MORC2: variants seen among roughly 807,000 people sequenced by gnomAD.
MORC2 encodes the protein ATPase MORC2.
A neutral mutation model predicts 136.0 loss-of-function variants in MORC2; 30 were observed. The observed-to-expected ratio is 0.22, with a 90% CI of 0.17 to 0.30. MORC2 has a LOEUF of 0.30. Ranked by LOEUF, MORC2 falls within the 10% of genes least tolerant of loss-of-function variation. MORC2 has a pLI of 1.00. For missense variants in MORC2, 922 were observed against 1,333.1 expected (o/e 0.69, Z 4.80); for synonymous variants, 439 against 487.0 (o/e 0.90, Z 1.30).
Position 30,941,780 on chromosome 22 carries a change from C to T in MORC2, c.698+111G>A. 8.4e-7 allele frequency: 1 copy of T among 1,187,616 alleles called. No individual in the cohort carries two copies. The highest frequency in any genetic ancestry group is 2.3e-5 in the East Asian group (1 of 42,566). The allele number at this position is 1,187,616 out of a possible 1,614,324, so 73.6% of individuals were successfully genotyped here. A position where few individuals can be genotyped will look rare whatever the true frequency, so the allele number is the denominator to read the frequency against. On this transcript the variant is annotated intron_variant, in intron 8 of 25. Transcript: ENST00000397641. This position sits in a 1 kb window ranked among gnomAD's most constrained non-coding sequence, Gnocchi z 4.6. ...AACTGAGCTGGCCCTACATACTACC[C>T]TACCACAGAACACTGGGCAATGAAT...
At chr22:30,938,934 A>T (rs1462229198) in intron 12 of MORC2, among the ~76,000 whole-genome samples, 1 of 152,230 alleles carries the variant, frequency 6.6e-6, no homozygotes. Flanking sequence ...AGACACCATC[A>T]TGTGATTACT....
chr22:30,939,775 C>T, intron 11 of MORC2, 69 bp from the exon 12 acceptor site: 1 of 1,452,830 alleles, frequency 6.9e-7, no homozygotes, highest in Non-Finnish European at 9.5e-7. Flanking sequence ...TGAAACATTA[C>T]ATCTAAGACA....
chr22:30,934,720 A>G lies in MORC2; in HGVS notation c.2193+61T>C. 1 of 1,580,526 alleles carries G rather than the reference A, an allele frequency of 6.3e-7. No homozygotes were observed. The highest frequency in any genetic ancestry group is 8.6e-7 in the Non-Finnish European group (1 of 1,159,266). ...TCCCCCAGTACAGCTGTGACACTGC[A>G]CAATTCCATTCCTACACTACTGACA... On this transcript the variant is annotated intron_variant, in intron 19 of 25. Coordinates refer to ENST00000397641, the MANE Select transcript of MORC2 (RefSeq NM_001303256.3). This position sits in a 1 kb window ranked among gnomAD's most constrained non-coding sequence, Gnocchi z 4.4.
chr22:30,928,917 C>A (rs1204039111), intron 24 of MORC2, among the ~76,000 whole-genome samples: 1 of 152,154 alleles, frequency 6.6e-6, no homozygotes, highest in Non-Finnish European at 1.5e-5. Context: ...ATGACTTACT[C>A]GTAAATCACT....
At chr22:30,947,601 C>T (rs931433047) in intron 5 of MORC2, among the ~76,000 whole-genome samples, 1 of 152,194 alleles carries the variant, frequency 6.6e-6, no homozygotes, top group Non-Finnish European at 1.5e-5. Flanking sequence ...ACTCCCAGGA[C>T]ACTATTCAAA....
chr22:30,949,161 C>T (rs2040856250), intron 5 of MORC2, among the ~76,000 whole-genome samples: 1 of 152,212 alleles, frequency 6.6e-6, no homozygotes, highest in Non-Finnish European at 1.5e-5. Flanking sequence ...TGGGGCTTCA[C>T]TCAAAACCAG....
In MORC2 at chr22:30,968,403, C is replaced by T. The variant is rs893715384; in HGVS notation, c.-514G>A. The T allele has an allele frequency of 6.5e-6, 1 of 153,196 alleles. No homozygotes were observed. Among genetic ancestry groups the T allele is most frequent in the Non-Finnish European group, 1.5e-5 (1 of 68,706 alleles). The allele number at this position is 153,196 out of a possible 1,614,324, so 9.5% of individuals were successfully genotyped here. Reference sequence around the variant, plus strand: ...CAGGATTCTTAAACAGGCCCAAGACCGGAGACCAAGATGTCGACGGAGTGT... The same window carrying T: ...CAGGATTCTTAAACAGGCCCAAGACTGGAGACCAAGATGTCGACGGAGTGT... On this transcript the variant is annotated 5_prime_UTR_variant, in exon 1 of 26. Coordinates refer to ENST00000397641, the MANE Select transcript of MORC2 (RefSeq NM_001303256.3).
At chr22:30,954,030 C>T (rs1265959332) in intron 3 of MORC2, among the ~76,000 whole-genome samples, 2 of 152,094 alleles carry the variant, frequency 1.3e-5, no homozygotes, top group Non-Finnish European at 2.9e-5. Context: ...ACTGGCCAAG[C>T]GCATCGGCTC....
chr22:30,946,555 C>T (rs944548944), intron 5 of MORC2, 106 bp from the exon 6 acceptor site: 1 of 935,480 alleles, frequency 1.1e-6, no homozygotes, highest in African/African-American at 1.6e-5. Context: ...CTGGAGGGCT[C>T]TCCTAAAGGC....
chr22:30,927,187 C>T (rs1273813502), intron 25 of MORC2, among the ~76,000 whole-genome samples: 1 of 152,098 alleles, frequency 6.6e-6, no homozygotes, highest in African/African-American at 2.4e-5. Flanking sequence ...AGGTCCAGGC[C>T]ACCACTGTCT....
chr22:30,964,821 C>G (rs2041101511), intron 1 of MORC2, among the ~76,000 whole-genome samples: 1 of 152,188 alleles, frequency 6.6e-6, no homozygotes. Context: ...AAAAGATGCT[C>G]CAGAATTTCC....
At position 30,940,729 on chromosome 22, in the gene MORC2, C is replaced by G. The variant is rs1359085111; in HGVS notation, c.904+29G>C. 1.9e-6 allele frequency: 3 copies of G among 1,605,558 alleles called. No individual in the cohort carries two copies. In the African/African-American group the frequency reaches 4.0e-5, roughly 21 times the overall value. ...GCAGCATACCCCAGATGCACACCCC[C>G]CCAACTCCTGCACCCAGAGTGGCAT... On this transcript the variant is annotated intron_variant, in intron 10 of 25. Coordinates refer to ENST00000397641, the MANE Select transcript of MORC2 (RefSeq NM_001303256.3).
At position 30,942,120 on chromosome 22, in the gene MORC2, C is replaced by G. The variant is rs2147266882; in HGVS notation, c.578G>C (p.Gly193Ala). 2 of 1,613,780 alleles carry G rather than the reference C, an allele frequency of 1.2e-6. No homozygotes were observed. The highest frequency in any genetic ancestry group is 1.7e-6 in the Non-Finnish European group (2 of 1,179,666). The change falls in exon 7 of 26, where the codon GGG (glycine) becomes GCG (alanine). Residue 193 changes from glycine (G) to alanine (A), a missense_variant. By Grantham distance (60) the Gly-to-Ala change is moderately conservative. Coordinates refer to ENST00000397641, the MANE Select transcript of MORC2 (RefSeq NM_001303256.3). ...GCTCAAAGCCTACTTACCGCTGTCC[C>G]CAGGAATCTTCATAAACTGGGTCAT... ...EVMTQFMKIP[G>A]DSGTLVIIFN...
At position 30,928,167 on chromosome 22, in the gene MORC2, A is replaced by C; in HGVS notation, c.2882T>G (p.Leu961Arg). ...AGCACGGCTCTGGTAGGAATTGCAC[A>C]GGTTTTGGAGCCCTACTTCATATTG... Reference protein sequence around the residue: ...FKQYEVGLQNLCNSYQSRADS... With the variant: ...FKQYEVGLQNRCNSYQSRADS... The change falls in exon 25 of 26, where the codon CTG becomes CGG. Residue 961 changes from leucine to arginine, a missense_variant. Leu to Arg is a moderately radical substitution (Grantham distance 102). Around this residue, in one of 9 missense-constraint regions of MORC2, gnomAD observed 263 missense variants for 388.3 expected, o/e 0.68. Coordinates refer to ENST00000397641, the MANE Select transcript of MORC2 (RefSeq NM_001303256.3). 2 of 1,614,056 alleles carry C rather than the reference A, an allele frequency of 1.2e-6. No individual in the cohort carries two copies. Among genetic ancestry groups the C allele is most frequent in the Non-Finnish European group, 1.7e-6 (2 of 1,179,996 alleles).
At chr22:30,954,150 C>T (rs900418367) in intron 3 of MORC2, among the ~76,000 whole-genome samples, 1 of 152,018 alleles carries the variant, frequency 6.6e-6, no homozygotes, top group African/African-American at 2.4e-5. Flanking sequence ...CAAAAATTAA[C>T]CAGGTATGGT....
intron 6 of MORC2, 67 bp from the exon 7 acceptor site, chr22:30,942,338 T>A: frequency 6.5e-7 from 1 of 1,526,912 alleles, no homozygotes; most frequent in Non-Finnish European, 8.9e-7. Context: ...CAAATGTGCA[T>A]CTCTCTTGTC....
In MORC2 at chr22:30,968,155, T is replaced by C. The variant is rs1303959001; in HGVS notation, c.-266A>G. On this transcript the variant is annotated 5_prime_UTR_variant, in exon 1 of 26. Coordinates refer to ENST00000397641, the MANE Select transcript of MORC2 (RefSeq NM_001303256.3). Reference sequence around the variant, plus strand: ...TCATAAATCTGTAGCTTTAAGGAGCTTTTAGCATTAAGTTGCGATAGCTCA... The same window carrying C: ...TCATAAATCTGTAGCTTTAAGGAGCCTTTAGCATTAAGTTGCGATAGCTCA... 6.0e-5 allele frequency: 25 copies of C among 415,210 alleles called. No homozygotes were observed. The highest frequency in any genetic ancestry group is 5.1e-4 in the African/African-American group (25 of 48,848). 25.7% of individuals were successfully genotyped at this position (415,210 alleles called of 1,614,324 possible).
At position 30,934,663 on chromosome 22, in the gene MORC2, G is replaced by T; in HGVS notation, c.2193+118C>A. 7.1e-7 allele frequency: 1 copy of T among 1,402,188 alleles called. No homozygotes were observed. The highest frequency in any genetic ancestry group is 9.7e-7 in the Non-Finnish European group (1 of 1,033,536). 86.9% of individuals were successfully genotyped at this position (1,402,188 alleles called of 1,614,324 possible). ...AGGCTTCCCGTCCTCAGGGGCAGCA[G>T]CAAAGCTTTAGATTCAGTATCTTCC... On this transcript the variant is annotated intron_variant, in intron 19 of 25. Coordinates refer to ENST00000397641, the MANE Select transcript of MORC2 (RefSeq NM_001303256.3). This position sits in a 1 kb window ranked among gnomAD's most constrained non-coding sequence, Gnocchi z 4.4.
intron 10 of MORC2, among the ~76,000 whole-genome samples, chr22:30,940,384 A>G (rs2040725477): frequency 6.6e-6 from 1 of 152,114 alleles, no homozygotes; most frequent in Non-Finnish European, 1.5e-5. Context: ...CTCTCCAACA[A>G]GCAGCCGAGA....
Sources: gnomAD v4.1 joint callset for allele counts (sites outside exome capture counted in the v4.1 genomes callset) on GRCh38, gnomAD v4.1.1 for gene constraint, gnomAD v4.1.1 regional missense constraint, Gnocchi (gnomAD v3.1) non-coding constraint, MANE v1.5 for transcripts, NCBI Gene and HGNC (gene_info 2026-07-23, HGNC 2026-07-21) for gene names.